The following CD163L1 variants were observed in gnomAD, a reference collection of about 807,000 sequenced individuals.
CD163L1 encodes the protein CD163 molecule like 1, also known as scavenger receptor cysteine-rich type 1 protein M160.
In CD163L1, 124 loss-of-function variants were observed where a neutral mutation model predicts 165.4. That is an observed-to-expected ratio of 0.75 (90% CI 0.65 to 0.87). The LOEUF (loss-of-function observed/expected upper bound fraction) is 0.87, where lower values mean the gene tolerates loss of function less well. Ranked by LOEUF, CD163L1 falls within the 40% of genes least tolerant of loss-of-function variation. CD163L1 has a pLI of 0.00. For synonymous variants in CD163L1, 585 were observed against 662.2 expected (o/e 0.88, Z 1.79); for missense variants, 1,525 against 1,799.9 (o/e 0.85, Z 2.76).
chr12:7,336,584 A>G, the CD163L1 span, among the ~76,000 whole-genome samples: 17 of 152,246 alleles, frequency 1.1e-4, no homozygotes, highest in East Asian at 3.3e-3. Context: ...GGTGCAGCAC[A>G]CCAATGTGGC....
chr12:7,380,298 T>TATAC (rs1315357773), intron 8 of CD163L1, among the ~76,000 whole-genome samples: 3 of 135,614 alleles, frequency 2.2e-5, no homozygotes, highest in East Asian at 2.3e-4. Flanking sequence ...TGTGTGTGTG[T>TATAC]GTGTATACAC....
the CD163L1 span, among the ~76,000 whole-genome samples, chr12:7,334,740 C>A: frequency 3.3e-5 from 5 of 152,180 alleles, no homozygotes; most frequent in Admixed American, 3.3e-4. Flanking sequence ...ATCTAGAAAA[C>A]CCCATTGTCT....
chr12:7,431,568 T>C (rs191800600), intron 4 of CD163L1, among the ~76,000 whole-genome samples: 4 of 142,584 alleles, frequency 2.8e-5, no homozygotes, highest in Admixed American at 7.3e-5. Context: ...CGAGAACGCA[T>C]AGACACAGGG....
chr12:7,374,612 C>T lies in CD163L1; in HGVS notation c.3239G>A (p.Gly1080Glu), dbSNP rs983471052. 1 of 1,614,094 alleles carries T rather than the reference C, an allele frequency of 6.2e-7. No individual in the cohort carries two copies. The highest frequency in any genetic ancestry group is 8.5e-7 in the Non-Finnish European group (1 of 1,180,042). The change falls in exon 13 of 20, where the codon GGA (glycine) becomes GAA (glutamate). Residue 1080 changes from glycine to glutamate, a missense_variant. Transcript: ENST00000313599. This position sits in a 1 kb window ranked among gnomAD's most constrained non-coding sequence, Gnocchi z 5.4. ...AHVVCQKLGC[G>E]VAFNATVSAH... Reference sequence around the variant, plus strand: ...AGAGACCGTGGCATTGAAGGCCACTCCACAGCCCAGCTTTTGACACACCAC... The same window carrying T: ...AGAGACCGTGGCATTGAAGGCCACTTCACAGCCCAGCTTTTGACACACCAC...
At chr12:7,399,300 C>CTT (rs1947853551) in intron 6 of CD163L1, among the ~76,000 whole-genome samples, 1 of 148,434 alleles carries the variant, frequency 6.7e-6, no homozygotes, top group Non-Finnish European at 1.5e-5. Flanking sequence ...TTCTTTCTCT[C>CTT]CTTTCTTTCT....
intron 18 of CD163L1, among the ~76,000 whole-genome samples, chr12:7,360,392 C>T (rs752175301): frequency 2.0e-5 from 3 of 152,148 alleles, no homozygotes; most frequent in Non-Finnish European, 2.9e-5. Flanking sequence ...ATCCACCCAC[C>T]TCGGCTTCCC....
the CD163L1 span, chr12:7,320,945 C>A: frequency 1.3e-6 from 1 of 778,514 alleles, no homozygotes; most frequent in South Asian, 1.6e-5. Flanking sequence ...ATTCTATCGT[C>A]GGAGGACGGT....
chr12:7,416,881 G>A (rs148517704), intron 4 of CD163L1, among the ~76,000 whole-genome samples: 1 of 152,240 alleles, frequency 6.6e-6, no homozygotes, highest in Non-Finnish European at 1.5e-5. Context: ...TTTTTGCTTA[G>A]GACTGTCTTG....
chr12:7,375,380 G>A lies in CD163L1; in HGVS notation c.2902C>T (p.His968Tyr). 1.2e-6 allele frequency: 2 copies of A among 1,614,174 alleles called. No homozygotes were observed. The highest frequency in any genetic ancestry group is 1.7e-6 in the Non-Finnish European group (2 of 1,180,030). The change falls in exon 11 of 20, where the codon CAT becomes TAT. Residue 968 changes from histidine to tyrosine, a missense_variant. Transcript: ENST00000313599. ...AGAAGTGACTCATTCCCTAAGCAATGAAACCTGTGTCCCCACACACGAACA... is the reference window on the plus strand; with the variant it reads ...AGAAGTGACTCATTCCCTAAGCAATAAAACCTGTGTCCCCACACACGAACA... Reference protein sequence around the residue: ...RSVRVWGHRFHCLGNESLLDN... With the variant: ...RSVRVWGHRFYCLGNESLLDN...
In CD163L1 at chr12:7,398,992, T is replaced by C. The variant is rs1223450339; in HGVS notation, c.1409-408A>G. Among the ~76,000 whole-genome samples, 2 of 152,162 alleles carry C rather than the reference T, an allele frequency of 1.3e-5. No homozygotes were observed. The highest frequency in any genetic ancestry group is 2.9e-5 in the Non-Finnish European group (2 of 68,024). On this transcript the variant is annotated intron_variant, in intron 6 of 19. Transcript: ENST00000313599. The surrounding 1 kb of genome is among the most constrained non-coding windows in gnomAD (Gnocchi z 4.5). Reference sequence around the variant, plus strand: ...TATCCCCTCATAGTCGTCATTTTAGTTTGTCCACTCATGTTTTATAAGATA... The same window carrying C: ...TATCCCCTCATAGTCGTCATTTTAGCTTGTCCACTCATGTTTTATAAGATA...
intron 7 of CD163L1, among the ~76,000 whole-genome samples, chr12:7,397,878 A>G (rs1313509860): frequency 6.6e-6 from 1 of 152,184 alleles, no homozygotes; most frequent in Non-Finnish European, 1.5e-5. Flanking sequence ...GTCAGGGTGA[A>G]TTTACTGATA....
chr12:7,440,568 T>C (rs77534107), intron 2 of CD163L1, among the ~76,000 whole-genome samples: 7,082 of 152,088 alleles, frequency 0.047, 197 homozygotes, highest in Middle Eastern at 0.095. Context: ...TTTGCAAAAA[T>C]ACAATATCCA....
Position 7,433,429 on chromosome 12 carries a change from C to G in CD163L1, c.390G>C (p.Arg130=), listed in dbSNP as rs769114901. Residue 130 remains arginine, a synonymous_variant, in exon 3 of 20, where the codon CGG becomes CGC. Coordinates refer to ENST00000313599, the MANE Select transcript of CD163L1 (RefSeq NM_174941.6). ...GATAACAGTTATGGCTTCCCCATTC[C>G]CGGTGTTGACATTCCCAGAGAGCTG... ...NESALWECQH[R]EWGSHNCYHG... 1 of 1,612,606 alleles carries G rather than the reference C, an allele frequency of 6.2e-7. No individual in the cohort carries two copies. Among genetic ancestry groups the G allele is most frequent in the Non-Finnish European group, 8.5e-7 (1 of 1,179,188 alleles).
intron 4 of CD163L1, among the ~76,000 whole-genome samples, chr12:7,424,815 G>A (rs891089163): frequency 2.0e-5 from 3 of 151,924 alleles, no homozygotes; most frequent in Non-Finnish European, 4.4e-5. Flanking sequence ...ACTACAAACT[G>A]CTGCTCAAAG....
intron 17 of CD163L1, 184 bp from the exon 18 acceptor site, chr12:7,367,515 T>C (rs987135410): frequency 1.5e-4 from 70 of 457,350 alleles, no homozygotes; most frequent in Non-Finnish European, 2.4e-4. Context: ...TTTTCTCCCT[T>C]GATATTCTTC....
chr12:7,349,144 GGAAATCCA>G (rs1946691373), intron 4 of CD163L1, among the ~76,000 whole-genome samples: 1 of 152,150 alleles, frequency 6.6e-6, no homozygotes, highest in South Asian at 2.1e-4. Flanking sequence ...ATAAGCTTGT[GGAAATCCA>G]GAAATGGCAG....
intron 8 of CD163L1, among the ~76,000 whole-genome samples, chr12:7,380,944 G>T (rs1168199363): frequency 6.6e-6 from 1 of 152,104 alleles, no homozygotes; most frequent in Non-Finnish European, 1.5e-5. Context: ...CAGTTTGGTA[G>T]CTTTGAGTGT....
At chr12:7,338,757 T>C in the CD163L1 span, among the ~76,000 whole-genome samples, 1 of 152,164 alleles carries the variant, frequency 6.6e-6, no homozygotes, top group Non-Finnish European at 1.5e-5. Context: ...GCTTAGCCAA[T>C]TTCCACCCAG....
chr12:7,430,438 G>A (rs1208032087), intron 4 of CD163L1, among the ~76,000 whole-genome samples: 1 of 152,040 alleles, frequency 6.6e-6, no homozygotes, highest in Non-Finnish European at 1.5e-5. Flanking sequence ...TTAAGAATAA[G>A]AACAAAGATT....
Sources: gnomAD v4.1 joint callset for allele counts (sites outside exome capture counted in the v4.1 genomes callset) on GRCh38, gnomAD v4.1.1 for gene constraint, Gnocchi (gnomAD v3.1) non-coding constraint, MANE v1.5 for transcripts, NCBI Gene and HGNC (gene_info 2026-07-23, HGNC 2026-07-21) for gene names.